Variants in SLC35F3 observed in about 807,000 individuals in gnomAD.
SLC35F3 encodes putative thiamine transporter SLC35F3.
Under a neutral mutation model 49.9 loss-of-function variants are expected in SLC35F3, and 25 were observed. That is an observed-to-expected ratio of 0.50 (90% CI 0.37 to 0.70). The LOEUF (loss-of-function observed/expected upper bound fraction) is 0.70, where lower values mean the gene tolerates loss of function less well. Among genes scored for constraint, SLC35F3 ranks in the 30% least tolerant of loss-of-function variants. The probability of loss-of-function intolerance (pLI) is 0.00; values close to 1 mark genes in which losing one functional copy is unlikely to be tolerated. For missense variants in SLC35F3, 525 were observed against 639.8 expected, an observed-to-expected ratio of 0.82 and a Z score of 1.94; for synonymous variants, 275 against 265.4, an observed-to-expected ratio of 1.04 and a Z score of -0.35.
rs572755877 is a variant in SLC35F3, at chr1:234,072,090, A to G, written c.284-159327A>G. On this transcript the variant is annotated intron_variant, in intron 2 of 7. Transcript: ENST00000366618. ...TGACTACTGAAATTAATTCAACAAC[A>G]GTAGATATTGTAGGCAGCATGACTG... is the stretch of plus-strand genomic sequence containing the variant. 2.1e-4 allele frequency among the ~76,000 whole-genome samples: 32 copies of G among 152,384 alleles called. 1 individual carries two copies. The highest frequency in any genetic ancestry group is 4.1e-4 in the Non-Finnish European group (28 of 68,044).
intron 2 of SLC35F3, among the ~76,000 whole-genome samples, chr1:234,148,099 C>T (rs552500776): frequency 1.2e-4 from 19 of 152,310 alleles, no homozygotes; most frequent in African/African-American, 4.1e-4. Flanking sequence ...AGATTCACCC[C>T]GGCAAGGTTT....
At chr1:234,200,387 T>G (rs1044097325) in intron 2 of SLC35F3, among the ~76,000 whole-genome samples, 1 of 152,216 alleles carries the variant, frequency 6.6e-6, no homozygotes, top group Admixed American at 6.5e-5. Context: ...TTATTAGATA[T>G]ATAATTTGCA....
At chr1:234,169,458 C>CTCTAA (rs1666365972) in intron 2 of SLC35F3, among the ~76,000 whole-genome samples, 1 of 152,198 alleles carries the variant, frequency 6.6e-6, no homozygotes, top group Admixed American at 6.5e-5. Context: ...GGCTCCCAGG[C>CTCTAA]TCTAACATTC....
intron 3 of SLC35F3, among the ~76,000 whole-genome samples, chr1:234,275,776 A>G (rs1668200169): frequency 6.6e-6 from 1 of 150,696 alleles, no homozygotes. Context: ...ATATATATAT[A>G]TATATAGCAC....
intron 2 of SLC35F3, among the ~76,000 whole-genome samples, chr1:234,069,487 T>C (rs1664681847): frequency 6.6e-6 from 1 of 151,988 alleles, no homozygotes; most frequent in Non-Finnish European, 1.5e-5. Flanking sequence ...GATCTTCTGA[T>C]CTCATGATCC....
rs549288421 is a variant in SLC35F3 at position 234,070,157 on chromosome 1, C to G, written c.284-161260C>G. On this transcript the variant is annotated intron_variant, in intron 2 of 7. Transcript: ENST00000366618. ...TGCCCATTCTAAACTGACCTTGCTC[C>G]TTAGAGCCCTGTACAAACACAGCAT... is the stretch of plus-strand genomic sequence containing the variant. 3.9e-5 allele frequency among the ~76,000 whole-genome samples: 6 copies of G among 152,300 alleles called. No individual in the cohort carries two copies. In the South Asian group the frequency reaches 1.0e-3, roughly 26 times the overall value.
chr1:234,200,028 T>C (rs1374389774), intron 2 of SLC35F3, among the ~76,000 whole-genome samples: 1 of 152,200 alleles, frequency 6.6e-6, no homozygotes, highest in African/African-American at 2.4e-5. Context: ...GACAACACAC[T>C]GTTGGTGGGA....
intron 2 of SLC35F3, among the ~76,000 whole-genome samples, chr1:234,054,216 G>A (rs1188269800): frequency 6.6e-6 from 1 of 152,166 alleles, no homozygotes. Context: ...AGTTCTCCTG[G>A]ATAATATCCT....
intron 2 of SLC35F3, among the ~76,000 whole-genome samples, chr1:234,133,534 T>G (rs569684097): frequency 6.6e-6 from 1 of 152,294 alleles, no homozygotes; most frequent in Non-Finnish European, 1.5e-5. Flanking sequence ...TGGGGGTTAG[T>G]GCTGGCATCA....
rs181555313 is a variant in SLC35F3, at chr1:233,977,637, G to A, written c.283+71879G>A. On this transcript the variant is annotated intron_variant, in intron 2 of 7. Transcript: ENST00000366618. Reference sequence around the variant, plus strand: ...TATTGTTGCTATGTGCTGATAAATTGTACTAATATCCTCATCATCCATGAA... The same window carrying A: ...TATTGTTGCTATGTGCTGATAAATTATACTAATATCCTCATCATCCATGAA... Among the ~76,000 whole-genome samples the A allele has an allele frequency of 1.4e-3, 219 of 152,270 alleles. 2 individuals carry two copies. The highest frequency in any genetic ancestry group is 4.9e-3 in the African/African-American group (205 of 41,554).
rs540250264 is a variant in SLC35F3, at chr1:234,260,154, A to G, written c.608+28413A>G. On this transcript the variant is annotated intron_variant, in intron 3 of 7. Transcript: ENST00000366618. Reference sequence around the variant, plus strand: ...TAAGTGAATATTCTCTTTTCTGTACATCACACTCCTTAGTACTGGTTACTA... The same window carrying G: ...TAAGTGAATATTCTCTTTTCTGTACGTCACACTCCTTAGTACTGGTTACTA... 3.0e-4 allele frequency among the ~76,000 whole-genome samples: 45 copies of G among 152,306 alleles called. No homozygotes were observed. In the South Asian group the frequency reaches 9.1e-3, roughly 31 times the overall value.
chr1:234,272,365 A>G (rs1284903509), intron 3 of SLC35F3: 1 of 152,230 alleles, frequency 6.6e-6, no homozygotes, highest in Non-Finnish European at 1.5e-5. Context: ...TCAACCACAG[A>G]CTATAAGACC....
chr1:234,142,367 T>C (rs1232187385), intron 2 of SLC35F3, among the ~76,000 whole-genome samples: 1 of 152,138 alleles, frequency 6.6e-6, no homozygotes, highest in Admixed American at 6.5e-5. Context: ...ATGCTGTTCA[T>C]GAACAAGAAA....
intron 2 of SLC35F3, among the ~76,000 whole-genome samples, chr1:233,922,883 A>G (rs146400999): frequency 0.034 from 5,114 of 152,292 alleles, 285 homozygotes; most frequent in African/African-American, 0.11. Context: ...CAGTTTTCCC[A>G]GCACCATTTA....
At chr1:233,905,800 C>A in intron 2 of SLC35F3, 42 bp downstream of exon 2, 2 of 1,537,746 alleles carry the variant, frequency 1.3e-6, no homozygotes, top group South Asian at 2.4e-5. Context: ...ACTGGTCCAT[C>A]TTCTTACCAT....
chr1:233,940,240 T>C (rs1451283085), intron 2 of SLC35F3, among the ~76,000 whole-genome samples: 3 of 152,140 alleles, frequency 2.0e-5, no homozygotes, highest in African/African-American at 7.2e-5. Context: ...CTTTCAGTGC[T>C]GGTACCTCTC....
rs776767583 is a variant in SLC35F3 at position 234,231,442 on chromosome 1, G to A, written c.309G>A (p.Pro103=). 1.3e-6 allele frequency: 2 copies of A among 1,598,916 alleles called. No individual in the cohort carries two copies. The highest frequency in any genetic ancestry group is 1.1e-5 in the South Asian group (1 of 89,110). Residue 103 remains proline (P), a synonymous_variant, in exon 3 of 8, where the codon CCG becomes CCA. Transcript: ENST00000366618. This position sits in a 1 kb window ranked among gnomAD's most constrained non-coding sequence, Gnocchi z 5.4. ...GGGAGGAGCGCCCCCGGGACTCCCC[G>A]GGCCCGGCGGAGGCCCAGGCACCGG... ...CKREERPRDS[P]GPAEAQAPAG...
intron 3 of SLC35F3, among the ~76,000 whole-genome samples, chr1:234,306,292 C>A (rs746682029): frequency 6.6e-6 from 1 of 152,144 alleles, no homozygotes; most frequent in African/African-American, 2.4e-5. Flanking sequence ...TCCCGAGTAG[C>A]TGGGATTACC....
chr1:234,122,996 G>A (rs1409579051), intron 2 of SLC35F3, among the ~76,000 whole-genome samples: 8 of 152,098 alleles, frequency 5.3e-5, no homozygotes, highest in Admixed American at 3.9e-4. Context: ...TAATGGGATC[G>A]CTGGGTCAAA....
Sources: allele counts gnomAD v4.1 joint callset (sites outside exome capture counted in the v4.1 genomes callset), GRCh38; gene constraint gnomAD v4.1.1; non-coding constraint Gnocchi (gnomAD v3.1); transcripts MANE v1.5; gene names NCBI Gene and HGNC (gene_info 2026-07-23, HGNC 2026-07-21).